The following LY6S variants were observed in gnomAD, a reference collection of about 807,000 sequenced individuals.
LY6S encodes lymphocyte antigen 6S.
chr8:143,067,666 C>T, the LY6S span, among the ~76,000 whole-genome samples: 14 of 152,194 alleles, frequency 9.2e-5, no homozygotes, highest in East Asian at 1.9e-4. Context: ...ACTATCTTGG[C>T]GAGGGGAGTG....
the LY6S span, chr8:143,049,111 G>A: frequency 1.9e-6 from 1 of 527,830 alleles, no homozygotes; most frequent in Non-Finnish European, 3.9e-6. Context: ...CTGATTTCAT[G>A]GGGGTTCAAG....
chr8:143,065,130 G>A, the LY6S span, among the ~76,000 whole-genome samples: 4 of 152,206 alleles, frequency 2.6e-5, no homozygotes, highest in African/African-American at 7.2e-5. Flanking sequence ...GGAACACTAT[G>A]CAGTGCCCTG....
At chr8:143,070,485 A>ATTTTTTTT in the LY6S span, among the ~76,000 whole-genome samples, 11 of 84,816 alleles carry the variant, frequency 1.3e-4, no homozygotes, top group African/African-American at 7.5e-4. Flanking sequence ...AAATATATAT[A>ATTTTTTTT]TATATTTTTT....
the LY6S span, among the ~76,000 whole-genome samples, chr8:143,070,054 G>C: frequency 1.3e-5 from 2 of 152,098 alleles, no homozygotes; most frequent in African/African-American, 2.4e-5. Flanking sequence ...CTGGAGATCA[G>C]AGATCAAGGT....
At chr8:143,070,933 G>A in the LY6S span, among the ~76,000 whole-genome samples, 1 of 152,222 alleles carries the variant, frequency 6.6e-6, no homozygotes, top group Non-Finnish European at 1.5e-5. Context: ...GCTTCCCAGA[G>A]CACACACTTT....
At chr8:143,043,150 C>A in the LY6S span, 1 of 1,367,752 alleles carries the variant, frequency 7.3e-7, no homozygotes, top group Non-Finnish European at 9.8e-7. Flanking sequence ...AAGACTGACC[C>A]CAGGCTGAGC....
the LY6S span, among the ~76,000 whole-genome samples, chr8:143,045,743 C>T: frequency 1.3e-5 from 2 of 152,210 alleles, no homozygotes; most frequent in East Asian, 1.9e-4. The surrounding 1 kb of genome is among the most constrained non-coding windows in gnomAD (Gnocchi z 5.3). Context: ...CTGCCCTCAG[C>T]GGCTCCTCCC....
the LY6S span, among the ~76,000 whole-genome samples, chr8:143,046,806 C>T: frequency 6.6e-6 from 1 of 151,750 alleles, no homozygotes; most frequent in African/African-American, 2.4e-5. Flanking sequence ...TCGAGATCGG[C>T]CTGGTCAACA....
chr8:143,042,473 GT>G, the LY6S span: 1 of 155,344 alleles, frequency 6.4e-6, no homozygotes, highest in African/African-American at 2.4e-5. Flanking sequence ...GTGGGTTCTG[GT>G]CCCTGGGGGG....
chr8:143,074,454 G>T, the LY6S span, among the ~76,000 whole-genome samples: 2 of 152,042 alleles, frequency 1.3e-5, no homozygotes, highest in Non-Finnish European at 2.9e-5. Flanking sequence ...TGTTTAGTCT[G>T]CTCTTAAGCC....
At chr8:143,046,369 A>T in the LY6S span, among the ~76,000 whole-genome samples, 1 of 151,752 alleles carries the variant, frequency 6.6e-6, no homozygotes, top group South Asian at 2.1e-4. Flanking sequence ...CAAGGTCAGG[A>T]GATCGAGACC....
chr8:143,040,890 G>A, the LY6S span, among the ~76,000 whole-genome samples: 13 of 152,172 alleles, frequency 8.5e-5, no homozygotes, highest in African/African-American at 3.1e-4. Flanking sequence ...GGCAGGTTCC[G>A]TGATGCCCCC....
the LY6S span, among the ~76,000 whole-genome samples, chr8:143,066,879 A>T: frequency 6.6e-6 from 1 of 152,186 alleles, no homozygotes; most frequent in South Asian, 2.1e-4. Context: ...GAGATTCGGG[A>T]AGCCCAGGGT....
the LY6S span, among the ~76,000 whole-genome samples, chr8:143,070,418 ATATT>A: frequency 5.9e-4 from 68 of 114,540 alleles, no homozygotes; most frequent in African/African-American, 1.3e-3. Context: ...TTATGTATAT[ATATT>A]TATATATATA....
At chr8:143,049,226 G>A in the LY6S span, 432 of 534,706 alleles carry the variant, frequency 8.1e-4, 3 homozygotes, top group East Asian at 0.019. Flanking sequence ...TCGGCACCAC[G>A]GGAACCACCT....
chr8:143,054,971 C>G, the LY6S span, among the ~76,000 whole-genome samples: 4 of 152,154 alleles, frequency 2.6e-5, no homozygotes, highest in Non-Finnish European at 4.4e-5. Context: ...TCATGCTGGA[C>G]AAGGAGGAAC....
At chr8:143,070,468 TATATATAA>T in the LY6S span, among the ~76,000 whole-genome samples, 57 of 37,424 alleles carry the variant, frequency 1.5e-3, 1 homozygote, top group East Asian at 5.9e-3. Context: ...ATATATAATA[TATATATAA>T]ATATATATAT....
the LY6S span, chr8:143,043,379 C>G: frequency 1.6e-6 from 1 of 613,856 alleles, no homozygotes; most frequent in South Asian, 1.8e-5. Context: ...GGCCCTGCCC[C>G]GGGGCCTCAG....
the LY6S span, chr8:143,057,295 G>C: frequency 3.3e-6 from 1 of 306,128 alleles, no homozygotes; most frequent in South Asian, 3.4e-5. Context: ...TGTCACGCAG[G>C]CTGGAGTGCA....
Sources: gnomAD v4.1 joint callset for allele counts (sites outside exome capture counted in the v4.1 genomes callset) on GRCh38, gnomAD v4.1.1 for gene constraint, Gnocchi (gnomAD v3.1) non-coding constraint, MANE v1.5 for transcripts, NCBI Gene and HGNC (gene_info 2026-07-23, HGNC 2026-07-21) for gene names.